The following CTBP2 variants were observed in gnomAD, a reference collection of about 807,000 sequenced individuals.
The protein encoded by CTBP2 is C-terminal-binding protein 2.
A neutral mutation model predicts 80.3 loss-of-function variants in CTBP2; 30 were observed. The ratio of observed to expected loss-of-function variants is 0.37; its 90% CI spans 0.28 to 0.51. The LOEUF is 0.51. Ranked by LOEUF, CTBP2 falls within the 20% of genes least tolerant of loss-of-function variation. CTBP2 has a pLI of 0.93. For synonymous variants in CTBP2, 594 were observed against 587.4 expected, an observed-to-expected ratio of 1.01 and a Z score of -0.16; for missense variants, 1,212 against 1,375.3, an observed-to-expected ratio of 0.88 and a Z score of 1.88.
chr10:125,149,642 A>G (rs1327999168), intron 1 of CTBP2, among the ~76,000 whole-genome samples: 1 of 152,274 alleles, frequency 6.6e-6, no homozygotes, highest in African/African-American at 2.4e-5. Flanking sequence ...TGTGCTCACA[A>G]GTGTACACAC....
Position 124,984,696 on chromosome 10 carries a change from T to C in CTBP2, c.*4822A>G. The C allele has an allele frequency of 1.4e-6, 2 of 1,436,996 alleles. No individual in the cohort carries two copies. The highest frequency in any genetic ancestry group is 3.9e-5 in the Admixed American group (2 of 51,514). The allele number at this position is 1,436,996 out of a possible 1,614,324, so 89.0% of individuals were successfully genotyped here. On this transcript the variant is annotated 3_prime_UTR_variant, in exon 9 of 9. Coordinates refer to ENST00000309035, the MANE Select transcript of CTBP2 (RefSeq NM_022802.3). ...TTTTCATGAGTTAGCATACCAGCTG[T>C]AGGTTTCCATGTCACATTCCTACCA... is the stretch of plus-strand genomic sequence containing the variant.
At chr10:125,013,409 G>C (rs58102619) in intron 1 of CTBP2, among the ~76,000 whole-genome samples, 4,011 of 152,258 alleles carry the variant, frequency 0.026, 172 homozygotes, top group African/African-American at 0.086. Context: ...AAATAGTCTC[G>C]TGCGGGCACC....
intron 2 of CTBP2, among the ~76,000 whole-genome samples, chr10:125,068,126 A>AAAG (rs1844927301): frequency 6.6e-6 from 1 of 152,120 alleles, no homozygotes; most frequent in East Asian, 1.9e-4. Context: ...CAATTTCACC[A>AAAG]TGCGGCCCAG....
intron 2 of CTBP2, among the ~76,000 whole-genome samples, chr10:125,058,203 C>T (rs772720288): frequency 1.3e-5 from 2 of 152,072 alleles, no homozygotes; most frequent in Non-Finnish European, 2.9e-5. Flanking sequence ...TTGCACCCAG[C>T]CAGCCTGGAA....
intron 3 of CTBP2, among the ~76,000 whole-genome samples, chr10:125,038,331 C>A (rs764088648): frequency 7.9e-5 from 12 of 152,038 alleles, no homozygotes; most frequent in Non-Finnish European, 1.6e-4. Flanking sequence ...GCAGTACCAG[C>A]AATCACCCTG....
At chr10:125,043,312 C>A (rs1435264421) in intron 2 of CTBP2, among the ~76,000 whole-genome samples, 1 of 152,228 alleles carries the variant, frequency 6.6e-6, no homozygotes, top group Non-Finnish European at 1.5e-5. Context: ...TAATTTTACT[C>A]AATGACCATC....
At chr10:124,993,631 C>A (rs543749040) in intron 6 of CTBP2, among the ~76,000 whole-genome samples, 1 of 152,348 alleles carries the variant, frequency 6.6e-6, no homozygotes, top group East Asian at 1.9e-4. Flanking sequence ...CACACCCCCA[C>A]CAATTTTCTG....
At chr10:125,005,603 C>CT (rs756698445) in intron 1 of CTBP2, 58 of 1,612,714 alleles carry the variant, frequency 3.6e-5, no homozygotes, top group Admixed American at 8.3e-5. Context: ...TGGATACCCC[C>CT]TCAGCTCATC....
chr10:125,062,247 CA>C (rs80072595), intron 2 of CTBP2, among the ~76,000 whole-genome samples: 20,317 of 152,164 alleles, frequency 0.13, 1,619 homozygotes, highest in East Asian at 0.37. Flanking sequence ...TGGGGGGACA[CA>C]GGGGTGCTCT....
Position 125,152,249 on chromosome 10 carries a change from AAGCCCGGACGCCAGG to A in CTBP2, c.-206+8055_-206+8069del, listed in dbSNP as rs1178546929. Among the ~76,000 whole-genome samples, 5 of 149,644 alleles carry A rather than the reference AAGCCCGGACGCCAGG, an allele frequency of 3.3e-5. No homozygotes were observed. The East Asian group carries it at 9.7e-4, about 29-fold the overall frequency. ...GAACCCCGGGACCCCGGGACCCCAG[AAGCCCGGACGCCAGG>A]AGGCCCGTCCTTGCAGCAGGGTGGG... On this transcript the variant is annotated intron_variant, in intron 1 of 10. Coordinates refer to the CTBP2 transcript ENST00000337195.
chr10:125,005,817 C>T lies in CTBP2; in HGVS notation c.1679-2325G>A, dbSNP rs374542224. The T allele has an allele frequency of 1.3e-5, 21 of 1,608,256 alleles. No individual in the cohort carries two copies. In the African/African-American group the frequency reaches 1.5e-4, roughly 11 times the overall value. ...GGAAGTCCTGGTCTCATGCCCCAGG[C>T]GGTCGCCCACACACAGTGAGGAACA... On this transcript the variant is annotated intron_variant, in intron 1 of 8. Coordinates refer to ENST00000309035, the MANE Select transcript of CTBP2 (RefSeq NM_022802.3).
chr10:125,024,242 TG>T (rs1957330001), intron 1 of CTBP2, among the ~76,000 whole-genome samples: 1 of 152,086 alleles, frequency 6.6e-6, no homozygotes, highest in African/African-American at 2.4e-5. Context: ...CGACAGGGTG[TG>T]GGGGATAATG....
chr10:125,073,081 G>A (rs1234562489), intron 2 of CTBP2, among the ~76,000 whole-genome samples: 1 of 152,182 alleles, frequency 6.6e-6, no homozygotes, highest in Non-Finnish European at 1.5e-5. Flanking sequence ...ACGCCGGCTC[G>A]CCCAAGTCTT....
chr10:125,145,699 C>A (rs1380280043), intron 1 of CTBP2, among the ~76,000 whole-genome samples: 1 of 152,150 alleles, frequency 6.6e-6, no homozygotes, highest in African/African-American at 2.4e-5. Context: ...ACCACCACCA[C>A]CAGCACCACC....
At chr10:125,098,559 G>T (rs1436944054) in intron 2 of CTBP2, among the ~76,000 whole-genome samples, 4 of 151,938 alleles carry the variant, frequency 2.6e-5, no homozygotes, top group African/African-American at 9.7e-5. Context: ...AAGATGGCCA[G>T]AAGACCCCCC....
intron 1 of CTBP2, among the ~76,000 whole-genome samples, chr10:125,123,933 C>T (rs1187768583): frequency 2.0e-5 from 3 of 152,228 alleles, no homozygotes; most frequent in Admixed American, 2.0e-4. Flanking sequence ...AACCAGCCCC[C>T]GGGGCAGCTC....
At position 124,998,112 on chromosome 10, in the gene CTBP2, G is replaced by A; in HGVS notation, c.2037C>T (p.Ile679=). The A allele has an allele frequency of 6.2e-7, 1 of 1,612,518 alleles. No homozygotes were observed. The highest frequency in any genetic ancestry group is 8.5e-7 in the Non-Finnish European group (1 of 1,179,606). The stretch of plus-strand genomic sequence containing the variant: ...TCCGGTACAGGTTGAGGATGTGGCA[G>A]ATGGTAGAGTCCGCTGTCTCTTCCA... The change falls in exon 4 of 9, where the codon ATC becomes ATT. Residue 679 remains isoleucine, a synonymous_variant. Coordinates refer to ENST00000309035, the MANE Select transcript of CTBP2 (RefSeq NM_022802.3).
At chr10:125,065,038 G>A (rs1239490255) in intron 2 of CTBP2, among the ~76,000 whole-genome samples, 1 of 152,166 alleles carries the variant, frequency 6.6e-6, no homozygotes, top group Non-Finnish European at 1.5e-5. Flanking sequence ...CACAGAACAG[G>A]AAATGCCCAG....
At chr10:124,992,669 G>A in intron 8 of CTBP2, 26 bp downstream of exon 10, 1 of 1,559,504 alleles carries the variant, frequency 6.4e-7, no homozygotes, top group Non-Finnish European at 8.7e-7. Context: ...CTCACAAGCT[G>A]AGACAAAGTC....
Sources: gnomAD v4.1 joint callset for allele counts (sites outside exome capture counted in the v4.1 genomes callset) on GRCh38, gnomAD v4.1.1 for gene constraint, MANE v1.5 for transcripts, NCBI Gene and HGNC (gene_info 2026-07-23, HGNC 2026-07-21) for gene names.